Variants in TENM4 observed in about 807,000 individuals in gnomAD.
The protein encoded by TENM4 is teneurin transmembrane protein 4, also known as teneurin-4.
In TENM4, 82 loss-of-function variants were observed where a neutral mutation model predicts 243.3. The ratio of observed to expected loss-of-function variants is 0.34; its 90% CI spans 0.28 to 0.40. The LOEUF is 0.40. Ranked by LOEUF, TENM4 falls within the 10% of genes least tolerant of loss-of-function variation. TENM4 has a pLI of 1.00. For synonymous variants in TENM4, 1,412 were observed against 1,456.3 expected (o/e 0.97, Z 0.69); for missense variants, 3,138 against 3,673.3 (o/e 0.85, Z 3.77).
intron 1 of TENM4, among the ~76,000 whole-genome samples, chr11:79,424,857 C>G (rs1565341308): frequency 6.6e-6 from 1 of 152,020 alleles, no homozygotes; most frequent in Non-Finnish European, 1.5e-5. Context: ...TGGCATAAAC[C>G]TGGGAGGCAG....
chr11:79,357,064 G>A (rs1434093463), intron 1 of TENM4, among the ~76,000 whole-genome samples: 1 of 152,084 alleles, frequency 6.6e-6, no homozygotes, highest in Non-Finnish European at 1.5e-5. Flanking sequence ...CTTTCACTCT[G>A]CCCCCAACAA....
chr11:79,154,839 C>T (rs1348463192), intron 3 of TENM4, among the ~76,000 whole-genome samples: 1 of 152,170 alleles, frequency 6.6e-6, no homozygotes, highest in Non-Finnish European at 1.5e-5. Context: ...CTGAAGCAGG[C>T]CCACCTGTAT....
At chr11:79,246,665 A>G (rs768771989) in intron 2 of TENM4, among the ~76,000 whole-genome samples, 1 of 152,180 alleles carries the variant, frequency 6.6e-6, no homozygotes, top group Non-Finnish European at 1.5e-5. Context: ...ATACAGAGAG[A>G]TATGTATTGG....
At chr11:78,741,805 G>A (rs1394317791) in intron 19 of TENM4, among the ~76,000 whole-genome samples, 1 of 152,196 alleles carries the variant, frequency 6.6e-6, no homozygotes, top group Non-Finnish European at 1.5e-5. Context: ...GAACTCCGCA[G>A]TGGAAGACTG....
intron 1 of TENM4, among the ~76,000 whole-genome samples, chr11:79,432,713 T>C (rs1859194111): frequency 6.6e-6 from 1 of 152,224 alleles, no homozygotes; most frequent in Admixed American, 6.5e-5. Flanking sequence ...AATTTTTACA[T>C]GTCTCGATCC....
chr11:78,992,645 G>T (rs1419736179), intron 6 of TENM4, among the ~76,000 whole-genome samples: 1 of 152,226 alleles, frequency 6.6e-6, no homozygotes, highest in African/African-American at 2.4e-5. Context: ...AGAAGAAATA[G>T]CATGGACAAA....
intron 4 of TENM4, among the ~76,000 whole-genome samples, chr11:79,081,788 T>G (rs1364082785): frequency 6.6e-6 from 1 of 151,878 alleles, no homozygotes. Flanking sequence ...AGGAAGAAAA[T>G]TTCTGTTTTT....
intron 6 of TENM4, among the ~76,000 whole-genome samples, chr11:78,993,095 T>C (rs1226200461): frequency 6.6e-6 from 1 of 152,164 alleles, no homozygotes; most frequent in Non-Finnish European, 1.5e-5. Flanking sequence ...TGGCAACATG[T>C]TGTGATATGC....
intron 6 of TENM4, among the ~76,000 whole-genome samples, chr11:79,049,087 A>G (rs919680308): frequency 6.6e-6 from 1 of 152,150 alleles, no homozygotes; most frequent in African/African-American, 2.4e-5. Context: ...AGACCACGTC[A>G]GGTCCAGTTA....
chr11:78,841,979 C>T (rs11237636), intron 12 of TENM4, among the ~76,000 whole-genome samples: 3,375 of 152,194 alleles, frequency 0.022, 125 homozygotes, highest in African/African-American at 0.077. Flanking sequence ...CGTTGGGGCT[C>T]CATCCTTAAC....
At chr11:79,311,083 A>G (rs1856713712) in intron 1 of TENM4, among the ~76,000 whole-genome samples, 1 of 152,214 alleles carries the variant, frequency 6.6e-6, no homozygotes, top group Admixed American at 6.5e-5. Context: ...AAGATGGGAC[A>G]AGACGGGTCT....
chr11:79,190,719 A>C (rs1212889451), intron 3 of TENM4, among the ~76,000 whole-genome samples: 3 of 152,198 alleles, frequency 2.0e-5, no homozygotes, highest in South Asian at 2.1e-4. Flanking sequence ...TGGTTTTGTT[A>C]ATGTTGCAAA....
chr11:79,061,054 A>G (rs1860073989), intron 6 of TENM4, among the ~76,000 whole-genome samples: 1 of 152,190 alleles, frequency 6.6e-6, no homozygotes, highest in African/African-American at 2.4e-5. Context: ...AAAAGGAACC[A>G]AGACTTTTGT....
chr11:79,436,084 C>G (rs528550800), intron 1 of TENM4, among the ~76,000 whole-genome samples: 1 of 152,260 alleles, frequency 6.6e-6, no homozygotes, highest in African/African-American at 2.4e-5. Context: ...CCAACAAATG[C>G]AGGATGCTTC....
intron 3 of TENM4, among the ~76,000 whole-genome samples, chr11:79,189,581 A>T (rs1181982431): frequency 2.0e-5 from 3 of 152,182 alleles, no homozygotes; most frequent in Non-Finnish European, 4.4e-5. Context: ...TTCCCATGTC[A>T]TTTAGCACTA....
rs753618914 is a variant in TENM4 at position 78,722,766 on chromosome 11, G to T, written c.3702C>A (p.Ala1234=). 2 of 1,613,936 alleles carry T rather than the reference G, an allele frequency of 1.2e-6. No individual in the cohort carries two copies. Among genetic ancestry groups the T allele is most frequent in the Non-Finnish European group, 8.5e-7 (1 of 1,179,908 alleles). The change falls in exon 24 of 34, where the codon GCC becomes GCA. Residue 1234 remains alanine, a synonymous_variant. Transcript: ENST00000278550. ...GGCTCCCGTCAGAGCCACAGGTGAG[G>T]GCCACTGGGGCCAGGAGCTTGTTGC... ...ADGNKLLAPV[A]LTCGSDGSLY...
At chr11:78,761,062 T>C (rs193194984) in intron 18 of TENM4, among the ~76,000 whole-genome samples, 319 of 152,306 alleles carry the variant, frequency 2.1e-3, no homozygotes, top group African/African-American at 7.4e-3. Context: ...TTTATAGCCT[T>C]TTTCAGACTG....
chr11:79,391,413 CT>C (rs5792853), intron 1 of TENM4, among the ~76,000 whole-genome samples: 64,265 of 151,786 alleles, frequency 0.42, 13,606 homozygotes, highest in Non-Finnish European at 0.46. Flanking sequence ...TGGAACCAGG[CT>C]CCCCTAGGGT....
At position 78,676,271 on chromosome 11, in the gene TENM4, G is replaced by C; in HGVS notation, c.5377C>G (p.Pro1793Ala). The change falls in exon 30 of 34, where the codon CCC becomes GCC. Residue 1793 changes from proline (P) to alanine (A), a missense_variant. Coordinates refer to ENST00000278550, the MANE Select transcript of TENM4 (RefSeq NM_001098816.3). ...EPHLLAGTVN[P>A]TVGKRNVTLP... ...GTGACATTCCTCTTGCCCACGGTGGGGTTGACGGTGCCAGCCAGCAAGTGG... is the reference window on the plus strand; with the variant it reads ...GTGACATTCCTCTTGCCCACGGTGGCGTTGACGGTGCCAGCCAGCAAGTGG... The C allele has an allele frequency of 6.2e-7, 1 of 1,612,856 alleles. No individual in the cohort carries two copies. The highest frequency in any genetic ancestry group is 8.5e-7 in the Non-Finnish European group (1 of 1,179,040).
Sources: allele counts gnomAD v4.1 joint callset (sites outside exome capture counted in the v4.1 genomes callset), GRCh38; gene constraint gnomAD v4.1.1; transcripts MANE v1.5; gene names NCBI Gene and HGNC (gene_info 2026-07-23, HGNC 2026-07-21).